Variants in ANO3 observed in about 807,000 individuals in gnomAD.
ANO3 encodes the protein anoctamin-3.
A neutral mutation model predicts 144.8 loss-of-function variants in ANO3; 99 were observed. The ratio of observed to expected loss-of-function variants is 0.68; its 90% CI spans 0.58 to 0.81. The LOEUF (loss-of-function observed/expected upper bound fraction) is 0.81, where lower values mean the gene tolerates loss of function less well. ANO3 is among the 30% of genes least tolerant of loss of function. The probability of loss-of-function intolerance (pLI) is 0.00; values close to 1 mark genes in which losing one functional copy is unlikely to be tolerated. For synonymous variants in ANO3, 414 were observed against 392.6 expected (o/e 1.05, Z -0.64); for missense variants, 905 against 1,202.2 (o/e 0.75, Z 3.66).
At chr11:26,237,629 A>AATG (rs576269553) in intron 1 of ANO3, among the ~76,000 whole-genome samples, 14 of 152,122 alleles carry the variant, frequency 9.2e-5, no homozygotes, top group Admixed American at 3.3e-4. Flanking sequence ...AAAATAACAA[A>AATG]ATGATGTTAT....
intron 1 of ANO3, among the ~76,000 whole-genome samples, chr11:26,212,713 G>T (rs1851959168): frequency 6.6e-6 from 1 of 151,880 alleles, no homozygotes; most frequent in Admixed American, 6.6e-5. Context: ...GTACAAAAAG[G>T]AGCTGGTACC....
intron 4 of ANO3, among the ~76,000 whole-genome samples, chr11:26,482,568 GTATT>G (rs768815397): frequency 1.3e-5 from 2 of 151,534 alleles, no homozygotes; most frequent in Non-Finnish European, 2.9e-5. Flanking sequence ...AGTTTCATTT[GTATT>G]TATTTCATTA....
At chr11:26,318,640 T>G (rs963363680) in intron 1 of ANO3, among the ~76,000 whole-genome samples, 5 of 152,206 alleles carry the variant, frequency 3.3e-5, no homozygotes, top group African/African-American at 1.2e-4. Flanking sequence ...AGACTTTGTG[T>G]GGGCTGGTGT....
intron 1 of ANO3, among the ~76,000 whole-genome samples, chr11:26,283,086 T>C (rs1177389454): frequency 6.6e-6 from 1 of 151,632 alleles, no homozygotes; most frequent in Non-Finnish European, 1.5e-5. Flanking sequence ...TTTTACATTA[T>C]AATTTTTAAA....
chr11:26,441,209 C>A (rs1285361615), intron 1 of ANO3, among the ~76,000 whole-genome samples: 1 of 148,200 alleles, frequency 6.7e-6, no homozygotes, highest in Non-Finnish European at 1.5e-5. Flanking sequence ...GCTCCGCCTC[C>A]CGGGTTCACG....
At chr11:26,550,550 C>T (rs411463) in intron 12 of ANO3, among the ~76,000 whole-genome samples, 100,191 of 151,854 alleles carry the variant, frequency 0.66, 33,338 homozygotes, top group East Asian at 0.83. Flanking sequence ...GCTTAATTCA[C>T]TTAGCATAAT....
At chr11:26,580,139 A>G (rs1271248353) in intron 14 of ANO3, among the ~76,000 whole-genome samples, 1 of 134,858 alleles carries the variant, frequency 7.4e-6, no homozygotes, top group East Asian at 2.5e-4. Context: ...AAAATCCAGT[A>G]GGTTAAAAAT....
chr11:26,623,820 A>T (rs1157665342), intron 17 of ANO3, among the ~76,000 whole-genome samples: 1 of 151,444 alleles, frequency 6.6e-6, no homozygotes, highest in African/African-American at 2.4e-5. Flanking sequence ...ACGGAGTCTC[A>T]CTCTCGCCCA....
intron 10 of ANO3, among the ~76,000 whole-genome samples, chr11:26,539,469 A>G (rs149678924): frequency 2.4e-4 from 37 of 152,306 alleles, no homozygotes; most frequent in African/African-American, 6.0e-4. Flanking sequence ...TTAGCATATG[A>G]AGCCCAAAAA....
chr11:26,656,184 T>C lies in ANO3; in HGVS notation c.2636T>C (p.Met879Thr). Reference protein sequence around the residue: ...LSFFDLSELGMGKSGYCRYRD... With the variant: ...LSFFDLSELGTGKSGYCRYRD... ...TTCTTTGACCTGAGTGAGCTTGGTA[T>C]GGGAAAATCTGGTTATTGCAGGTAC... is the stretch of plus-strand genomic sequence containing the variant. The change falls in exon 25 of 27, where the codon ATG becomes ACG. Residue 879 changes from methionine to threonine, a missense_variant. By Grantham distance (81) the Met-to-Thr change is moderately conservative (BLOSUM62 -1). This residue lies in a region of ANO3 where 597 missense variants were observed against 865.1 expected (regional missense o/e 0.69). Transcript: ENST00000256737. The C allele has an allele frequency of 6.2e-7, 1 of 1,613,608 alleles. No individual in the cohort carries two copies.
intron 1 of ANO3, among the ~76,000 whole-genome samples, chr11:26,420,658 T>G (rs986271168): frequency 6.6e-6 from 1 of 152,050 alleles, no homozygotes; most frequent in Non-Finnish European, 1.5e-5. Flanking sequence ...TTAGCTATAA[T>G]TGTCTCTAGG....
chr11:26,274,828 C>T (rs1440800479), intron 1 of ANO3, among the ~76,000 whole-genome samples: 4 of 151,848 alleles, frequency 2.6e-5, no homozygotes, highest in African/African-American at 9.7e-5. Context: ...TTAATTTATA[C>T]CTACTCTTCT....
chr11:26,560,892 A>G (rs1850261872), intron 14 of ANO3: 1 of 579,844 alleles, frequency 1.7e-6, no homozygotes, highest in African/African-American at 2.0e-5. Context: ...TAAGAAAGAA[A>G]ACCTTTGGAT....
intron 5 of ANO3, among the ~76,000 whole-genome samples, chr11:26,510,005 G>T (rs942334323): frequency 1.3e-5 from 2 of 151,672 alleles, no homozygotes; most frequent in East Asian, 1.9e-4. Context: ...GTGGTGGCGC[G>T]TTCCTGTAGT....
intron 1 of ANO3, among the ~76,000 whole-genome samples, chr11:26,222,550 C>G (rs917487606): frequency 6.6e-6 from 1 of 152,250 alleles, no homozygotes; most frequent in Non-Finnish European, 1.5e-5. Context: ...TCCCTCTCCT[C>G]ACTGCCTTAG....
chr11:26,370,922 C>G (rs1197514089), intron 1 of ANO3, among the ~76,000 whole-genome samples: 1 of 152,116 alleles, frequency 6.6e-6, no homozygotes, highest in Non-Finnish European at 1.5e-5. Context: ...AAATTTGCAG[C>G]CTAATGATGC....
intron 14 of ANO3, among the ~76,000 whole-genome samples, chr11:26,590,614 C>T (rs545009706): frequency 6.6e-6 from 1 of 152,246 alleles, no homozygotes; most frequent in East Asian, 1.9e-4. Flanking sequence ...TATTAGAAGC[C>T]GTGGGTCATG....
chr11:26,284,318 G>T (rs1853751254), intron 1 of ANO3, among the ~76,000 whole-genome samples: 1 of 152,198 alleles, frequency 6.6e-6, no homozygotes, highest in African/African-American at 2.4e-5. Context: ...GAGTGGCATA[G>T]AATAAAACAC....
At chr11:26,423,889 C>T (rs190398379) in intron 1 of ANO3, among the ~76,000 whole-genome samples, 1 of 152,038 alleles carries the variant, frequency 6.6e-6, no homozygotes, top group African/African-American at 2.4e-5. Flanking sequence ...TCAGTTCTGC[C>T]AGTTGCTAGA....
Sources: gnomAD v4.1 joint callset for allele counts (sites outside exome capture counted in the v4.1 genomes callset) on GRCh38, gnomAD v4.1.1 for gene constraint, gnomAD v4.1.1 regional missense constraint, MANE v1.5 for transcripts, NCBI Gene and HGNC (gene_info 2026-07-23, HGNC 2026-07-21) for gene names.